Variants in TRIM24 observed in about 807,000 individuals in gnomAD.
The protein encoded by TRIM24 is transcription intermediary factor 1-alpha.
In TRIM24, 29 loss-of-function variants were observed where a neutral mutation model predicts 123.9. The observed-to-expected ratio is 0.23, with a 90% confidence interval of 0.17 to 0.32. The LOEUF (loss-of-function observed/expected upper bound fraction) is 0.32, where lower values mean the gene tolerates loss of function less well. TRIM24 is among the 10% of genes least tolerant of loss of function. The pLI, the probability that TRIM24 is intolerant of heterozygous loss-of-function variation, is 1.00. For synonymous variants in TRIM24, 456 were observed against 461.1 expected (o/e 0.99, Z 0.14); for missense variants, 932 against 1,295.3 (o/e 0.72, Z 4.31).
At chr7:138,531,730 C>A (rs1796750663) in intron 6 of TRIM24, among the ~76,000 whole-genome samples, 1 of 152,104 alleles carries the variant, frequency 6.6e-6, no homozygotes, top group South Asian at 2.1e-4. Context: ...TGGGTATATA[C>A]CCAGTAATGG....
At chr7:138,513,688 A>G (rs1192140081) in intron 2 of TRIM24, among the ~76,000 whole-genome samples, 1 of 152,128 alleles carries the variant, frequency 6.6e-6, no homozygotes, top group Non-Finnish European at 1.5e-5. Context: ...CCCCACCTCC[A>G]ACATTGGGGA....
chr7:138,508,722 T>TGTGTGTGTGTGTGTGC lies in TRIM24; in HGVS notation c.483+4329_483+4330insCGTGTGTGTGTGTGTG, dbSNP rs1796219676. Among the ~76,000 whole-genome samples the TGTGTGTGTGTGTGTGC allele has an allele frequency of 4.0e-5, 5 of 124,324 alleles. No homozygotes were observed. In the South Asian group the frequency reaches 1.4e-3, roughly 35 times the overall value. 81.6% of individuals were successfully genotyped at this position (124,324 alleles called of 152,430 possible). A position where few individuals can be genotyped will look rare whatever the true frequency, so the allele number is the denominator to read the frequency against. ...GCGCGTGTGTGCGTGTGTGTGTGCG[T>TGTGTGTGTGTGTGTGC]GTGTGTGTGTGTGTGTGTGTGTGTC... On this transcript the variant is annotated intron_variant, in intron 2 of 18. Coordinates refer to ENST00000343526, the MANE Select transcript of TRIM24 (RefSeq NM_015905.3).
At position 138,512,698 on chromosome 7, in the gene TRIM24, AGCCTG is replaced by A. The variant is rs1417185346; in HGVS notation, c.484-2503_484-2499del. Among the ~76,000 whole-genome samples the A allele has an allele frequency of 3.9e-5, 6 of 152,134 alleles. No homozygotes were observed. The East Asian group carries it at 1.2e-3, about 30-fold the overall frequency. On this transcript the variant is annotated intron_variant, in intron 2 of 18. Coordinates refer to ENST00000343526, the MANE Select transcript of TRIM24 (RefSeq NM_015905.3). ...GGCTTCTCAGGGGAGTGAGCCCCTG[AGCCTG>A]GCCTGGCCTGTAAAACCATTCAGTC...
intron 3 of TRIM24, 72 bp from the exon 4 acceptor site, chr7:138,519,117 T>C (rs1796456083): frequency 1.3e-6 from 2 of 1,567,096 alleles, no homozygotes. Context: ...TGAATTCAAA[T>C]GAGCAATCTA....
chr7:138,522,975 A>G (rs929647458), intron 4 of TRIM24, among the ~76,000 whole-genome samples: 1 of 152,234 alleles, frequency 6.6e-6, no homozygotes, highest in African/African-American at 2.4e-5. Context: ...AGGACAATTT[A>G]TATTATTAAA....
Position 138,460,339 on chromosome 7 carries a change from A to T in TRIM24, c.-210A>T, listed in dbSNP as rs1486325936. 2.3e-6 allele frequency: 1 copy of T among 439,294 alleles called. No homozygotes were observed. The highest frequency in any genetic ancestry group is 2.0e-5 in the African/African-American group (1 of 48,948). 27.2% of individuals were successfully genotyped at this position (439,294 alleles called of 1,614,324 possible). ...TGCGAGGAACGGTCTCCGCTGACAG[A>T]TACCCTCCTTCCGGCCGCGCCACTC... On this transcript the variant is annotated 5_prime_UTR_variant, in exon 1 of 19. Coordinates refer to ENST00000343526, the MANE Select transcript of TRIM24 (RefSeq NM_015905.3).
chr7:138,508,038 G>T (rs776601864), intron 2 of TRIM24, among the ~76,000 whole-genome samples: 5 of 151,916 alleles, frequency 3.3e-5, no homozygotes, highest in Non-Finnish European at 5.9e-5. Flanking sequence ...TTAAACAATG[G>T]TTTGTTTCTA....
At chr7:138,463,457 T>A (rs1795058414) in intron 1 of TRIM24, among the ~76,000 whole-genome samples, 1 of 151,470 alleles carries the variant, frequency 6.6e-6, no homozygotes, top group Non-Finnish European at 1.5e-5. Flanking sequence ...GTCTCGAACT[T>A]CTGACCTCAG....
rs541541786 is a variant in TRIM24 at position 138,507,249 on chromosome 7, C to G, written c.483+2841C>G. ...ACATAACAAACGCCCATGGACCCATCGCCTAGATCAATAGCCATCAACTCT... is the reference window on the plus strand; with the variant it reads ...ACATAACAAACGCCCATGGACCCATGGCCTAGATCAATAGCCATCAACTCT... On this transcript the variant is annotated intron_variant, in intron 2 of 18. Transcript: ENST00000343526. Among the ~76,000 whole-genome samples, 68 of 152,164 alleles carry G rather than the reference C, an allele frequency of 4.5e-4. 1 individual carries two copies. Among genetic ancestry groups the G allele is most frequent in the Non-Finnish European group, 7.4e-5 (5 of 68,020 alleles).
At chr7:138,523,697 G>A (rs1796550227) in intron 4 of TRIM24, among the ~76,000 whole-genome samples, 1 of 146,012 alleles carries the variant, frequency 6.8e-6, no homozygotes, top group Non-Finnish European at 1.5e-5. Context: ...CTTCCAGTGA[G>A]CCGAGATGGG....
chr7:138,463,513 T>G (rs1225201791), intron 1 of TRIM24, among the ~76,000 whole-genome samples: 2 of 152,178 alleles, frequency 1.3e-5, no homozygotes, highest in Admixed American at 1.3e-4. Context: ...ATTACAGGTG[T>G]GAGCCACCCC....
rs925594443 is a variant in TRIM24 at position 138,461,086 on chromosome 7, G to A, written c.364+174G>A. 3 of 780,990 alleles carry A rather than the reference G, an allele frequency of 3.8e-6. No homozygotes were observed. In the Admixed American group the frequency reaches 6.1e-5, roughly 16 times the overall value. The allele number at this position is 780,990 out of a possible 1,614,324, so 48.4% of individuals were successfully genotyped here. A position where few individuals can be genotyped will look rare whatever the true frequency, so the allele number is the denominator to read the frequency against. Reference sequence around the variant, plus strand: ...TGACATGGAGGGCCCGCGCTCTGCGGCGTGTCGCGCTCGGCCAGCAACTTC... The same window carrying A: ...TGACATGGAGGGCCCGCGCTCTGCGACGTGTCGCGCTCGGCCAGCAACTTC... On this transcript the variant is annotated intron_variant, in intron 1 of 18. Coordinates refer to ENST00000343526, the MANE Select transcript of TRIM24 (RefSeq NM_015905.3).
intron 1 of TRIM24, among the ~76,000 whole-genome samples, chr7:138,465,915 A>G (rs995355468): frequency 1.3e-5 from 2 of 152,236 alleles, no homozygotes; most frequent in African/African-American, 2.4e-5. Context: ...GTATGTTTAC[A>G]CTGCTTGTAC....
Position 138,577,541 on chromosome 7 carries a change from G to A in TRIM24, c.2209G>A (p.Val737Ile). 2 of 1,610,754 alleles carry A rather than the reference G, an allele frequency of 1.2e-6. No individual in the cohort carries two copies. The highest frequency in any genetic ancestry group is 1.7e-6 in the Non-Finnish European group (2 of 1,178,680). The part of the protein sequence containing the change: ...SGPPENYDFP[V>I]VIVKQESDEE... ...ACCACCGGAAAATTATGATTTCCCT[G>A]TTGTTATAGTGAAGCAAGAATCAGA... The change falls in exon 14 of 19, where the codon GTT becomes ATT. Residue 737 changes from valine to isoleucine, a missense_variant. Around this residue, in one of 7 missense-constraint regions of TRIM24, gnomAD observed 527 missense variants for 691.3 expected, o/e 0.76. Coordinates refer to ENST00000343526, the MANE Select transcript of TRIM24 (RefSeq NM_015905.3).
intron 7 of TRIM24, 53 bp downstream of exon 7, chr7:138,538,856 G>A (rs1372214359): frequency 1.3e-6 from 2 of 1,509,392 alleles, no homozygotes; most frequent in Non-Finnish European, 9.0e-7. Context: ...GTAAAACAAT[G>A]GAGCCATTGT....
chr7:138,502,908 G>A (rs1443458706), intron 1 of TRIM24, among the ~76,000 whole-genome samples: 1 of 151,834 alleles, frequency 6.6e-6, no homozygotes, highest in African/African-American at 2.4e-5. Context: ...TTTGTTTCTT[G>A]CTTAAAAATT....
chr7:138,506,796 A>G (rs1796160098), intron 2 of TRIM24, among the ~76,000 whole-genome samples: 1 of 152,134 alleles, frequency 6.6e-6, no homozygotes, highest in South Asian at 2.1e-4. Context: ...GAAATGTGGT[A>G]TGAGAATAGG....
At chr7:138,576,550 CTTTATT>C (rs1353559894) in intron 13 of TRIM24, 105 bp downstream of exon 13, 29 of 909,076 alleles carry the variant, frequency 3.2e-5, no homozygotes, top group South Asian at 3.2e-4. Context: ...GAACAATTTC[CTTTATT>C]TTTAATTAAA....
chr7:138,532,979 T>C (rs1356200758), intron 6 of TRIM24, among the ~76,000 whole-genome samples: 1 of 152,216 alleles, frequency 6.6e-6, no homozygotes, highest in Non-Finnish European at 1.5e-5. Flanking sequence ...GAAGCAATTG[T>C]GAATGGGAGT....
Sources: allele counts gnomAD v4.1 joint callset (sites outside exome capture counted in the v4.1 genomes callset), GRCh38; gene constraint gnomAD v4.1.1; regional missense constraint gnomAD v4.1.1; transcripts MANE v1.5; gene names NCBI Gene and HGNC (gene_info 2026-07-23, HGNC 2026-07-21).